Variants in RAE1 observed in about 807,000 individuals in gnomAD.
RAE1 encodes ribonucleic acid export 1, also known as mRNA export factor RAE1.
RAE1 carries 13 observed loss-of-function variants against 52.7 expected under a neutral mutation model. That is an observed-to-expected ratio of 0.25 (90% CI 0.16 to 0.39). RAE1 has a LOEUF of 0.39. Ranked by LOEUF, RAE1 falls within the 10% of genes least tolerant of loss-of-function variation. The pLI is 1.00. For missense variants in RAE1, 262 were observed against 459.8 expected (o/e 0.57, Z 3.93); for synonymous variants, 164 against 153.1 (o/e 1.07, Z -0.52).
At chr20:57,359,014 A>G in intron 4 of RAE1, 1 of 1,524,176 alleles carries the variant, frequency 6.6e-7, no homozygotes. Flanking sequence ...TGAAAGTAAG[A>G]GACAGCTGAA....
chr20:57,368,460 C>G (rs149238373), intron 7 of RAE1, among the ~76,000 whole-genome samples: 36 of 152,198 alleles, frequency 2.4e-4, no homozygotes, highest in African/African-American at 8.4e-4. Context: ...TTTATTTATT[C>G]TTAGTTCCTG....
chr20:57,351,587 G>A, intron 1 of RAE1, 165 bp downstream of exon 1: 1 of 985,536 alleles, frequency 1.0e-6, no homozygotes, highest in Non-Finnish European at 1.2e-6. Flanking sequence ...GCTGGAAATG[G>A]CCTTAGGGGT....
At chr20:57,374,536 A>C in intron 10 of RAE1, 71 bp from the exon 11 acceptor site, 1 of 1,360,830 alleles carries the variant, frequency 7.3e-7, no homozygotes, top group African/African-American at 1.5e-5. Flanking sequence ...CTCAAGCAGG[A>C]AGTGTGCGTG....
intron 10 of RAE1, 81 bp downstream of exon 10, chr20:57,373,819 A>G (rs1052188911): frequency 1.4e-6 from 2 of 1,398,766 alleles, no homozygotes; most frequent in Admixed American, 3.4e-5. Context: ...GGGATCAGAA[A>G]AGACTCATCA....
chr20:57,366,741 C>G (rs985016505), intron 5 of RAE1, 66 bp from the exon 6 acceptor site: 38 of 1,445,002 alleles, frequency 2.6e-5, no homozygotes, highest in Non-Finnish European at 3.1e-5. Flanking sequence ...TGAATTGCCA[C>G]AACTAAAGCT....
chr20:57,367,277 A>G (rs2066968937), intron 7 of RAE1, among the ~76,000 whole-genome samples, 198 bp downstream of exon 7: 1 of 152,062 alleles, frequency 6.6e-6, no homozygotes, highest in South Asian at 2.1e-4. Context: ...TTTTAGAAGT[A>G]CTAAATGCTG....
chr20:57,351,874 A>G (rs1333121865), intron 1 of RAE1: 1 of 985,400 alleles, frequency 1.0e-6, no homozygotes, highest in African/African-American at 1.7e-5. Flanking sequence ...CCAAGTATTT[A>G]TTGTATACGT....
At chr20:57,362,329 A>G (rs1412771488) in intron 4 of RAE1, among the ~76,000 whole-genome samples, 1 of 152,250 alleles carries the variant, frequency 6.6e-6, no homozygotes, top group African/African-American at 2.4e-5. Flanking sequence ...TGTCTTCCTG[A>G]CATACCTGAT....
chr20:57,351,327 G>C lies in RAE1; in HGVS notation c.-103G>C, dbSNP rs1358932926. 2 of 985,326 alleles carry C rather than the reference G, an allele frequency of 2.0e-6. No homozygotes were observed. Among genetic ancestry groups the C allele is most frequent in the Admixed American group, 6.1e-5 (1 of 16,264 alleles). 61.0% of individuals were successfully genotyped at this position (985,326 alleles called of 1,614,324 possible). On this transcript the variant is annotated 5_prime_UTR_variant, in exon 1 of 12. Transcript: ENST00000395841. ...TCGGGCTCCTGGGATTTCTGTCCGC[G>C]CTCCTGGCCCTCGTCCTTCGCGCCA...
At chr20:57,362,364 T>C (rs555292784) in intron 4 of RAE1, among the ~76,000 whole-genome samples, 1 of 152,370 alleles carries the variant, frequency 6.6e-6, no homozygotes, top group Admixed American at 6.5e-5. Flanking sequence ...ACTACATTAA[T>C]AGATATATGA....
chr20:57,358,928 G>A (rs369158342), intron 4 of RAE1: 2 of 1,380,146 alleles, frequency 1.4e-6, no homozygotes, highest in African/African-American at 3.0e-5. Flanking sequence ...TTGCATTGAT[G>A]AATTAAAGCT....
intron 4 of RAE1, among the ~76,000 whole-genome samples, chr20:57,362,264 AT>A (rs1248015013): frequency 6.6e-5 from 10 of 152,216 alleles, no homozygotes; most frequent in South Asian, 4.1e-4. Context: ...AGTTGCTCCC[AT>A]TTTATTCAGT....
At chr20:57,376,305 T>A (rs2067113652) in intron 11 of RAE1, among the ~76,000 whole-genome samples, 1 of 152,246 alleles carries the variant, frequency 6.6e-6, no homozygotes. Flanking sequence ...AGTGTACAAT[T>A]TGATCAGTTT....
intron 4 of RAE1, chr20:57,357,372 T>G (rs1339445996): frequency 6.6e-6 from 1 of 152,194 alleles, no homozygotes; most frequent in Non-Finnish European, 1.5e-5. Flanking sequence ...GGTGCAACCT[T>G]TGCGCTCAGC....
intron 8 of RAE1, chr20:57,371,703 G>A (rs1257956088): frequency 2.0e-5 from 3 of 152,180 alleles, no homozygotes; most frequent in Admixed American, 1.3e-4. Context: ...CCACTTACAG[G>A]TCTTGATTCA....
rs375395501 is a variant in RAE1, at chr20:57,378,960, A to G, written c.*861A>G. The G allele has an allele frequency of 2.6e-4, 39 of 152,298 alleles. No individual in the cohort carries two copies. The highest frequency in any genetic ancestry group is 8.7e-4 in the African/African-American group (36 of 41,566). The allele number at this position is 152,298 out of a possible 1,614,324, so 9.4% of individuals were successfully genotyped here. A position where few individuals can be genotyped will look rare whatever the true frequency, so the allele number is the denominator to read the frequency against. On this transcript the variant is annotated 3_prime_UTR_variant, in exon 12 of 12. Coordinates refer to ENST00000395841, the MANE Select transcript of RAE1 (RefSeq NM_003610.4). ...TTGGCTGTTCTTTTGTATTTTGTGT[A>G]ATTTAAAATTCCTGGTTGGTAAGTA...
intron 1 of RAE1, among the ~76,000 whole-genome samples, chr20:57,352,329 G>T (rs1163455444): frequency 6.6e-6 from 1 of 152,220 alleles, no homozygotes; most frequent in Non-Finnish European, 1.5e-5. Context: ...AACGGAGGTA[G>T]CTGTGGGGAG....
intron 5 of RAE1, among the ~76,000 whole-genome samples, chr20:57,366,407 T>C (rs139726432): frequency 2.2e-4 from 33 of 152,164 alleles, no homozygotes; most frequent in African/African-American, 7.2e-4. Flanking sequence ...TTCTGGGGAA[T>C]CCCAAGGGAG....
chr20:57,365,583 A>G, intron 5 of RAE1, 141 bp downstream of exon 5: 1 of 543,864 alleles, frequency 1.8e-6, no homozygotes, highest in South Asian at 3.9e-5. Context: ...TATAACAGAA[A>G]CCTCTTTAGC....
Sources: allele counts gnomAD v4.1 joint callset (sites outside exome capture counted in the v4.1 genomes callset), GRCh38; gene constraint gnomAD v4.1.1; transcripts MANE v1.5; gene names NCBI Gene and HGNC (gene_info 2026-07-23, HGNC 2026-07-21).